Variants in NTN1 observed in about 807,000 individuals in gnomAD.
The protein encoded by NTN1 is netrin-1.
NTN1 carries 11 observed loss-of-function variants against 54.2 expected under a neutral mutation model. The ratio of observed to expected loss-of-function variants is 0.20; its 90% confidence interval spans 0.13 to 0.34. NTN1 has a LOEUF of 0.34. NTN1 is among the 10% of genes least tolerant of loss of function. The pLI is 1.00. For missense variants in NTN1, 740 were observed against 893.1 expected, an observed-to-expected ratio of 0.83 and a Z score of 2.18; for synonymous variants, 371 against 382.0, an observed-to-expected ratio of 0.97 and a Z score of 0.33.
chr17:9,123,658 A>G lies in NTN1; in HGVS notation c.1019-39155A>G, dbSNP rs186368096. On this transcript the variant is annotated intron_variant, in intron 2 of 6. Coordinates refer to ENST00000173229, the MANE Select transcript of NTN1 (RefSeq NM_004822.3). ...CATGCTGTGAAAGTCAAGTGTAACT[A>G]TTGTTCTTCTCGGATGGTTAGCCAG... Among the ~76,000 whole-genome samples the G allele has an allele frequency of 1.8e-4, 27 of 152,148 alleles. No individual in the cohort carries two copies. The East Asian group carries it at 5.0e-3, about 28-fold the overall frequency.
intron 2 of NTN1, among the ~76,000 whole-genome samples, chr17:9,074,362 A>C (rs1223315606): frequency 6.6e-6 from 1 of 152,168 alleles, no homozygotes; most frequent in Non-Finnish European, 1.5e-5. Context: ...CCTTGGGCTG[A>C]ACTCCTCACC....
intron 2 of NTN1, among the ~76,000 whole-genome samples, chr17:9,113,019 A>ATTTTT (rs398058563): frequency 1.4e-5 from 2 of 141,938 alleles, no homozygotes; most frequent in African/African-American, 2.6e-5. Context: ...TGTATACAGA[A>ATTTTT]TTTTTTTTAT....
intron 2 of NTN1, among the ~76,000 whole-genome samples, chr17:9,108,836 A>C (rs1455264402): frequency 1.3e-5 from 2 of 152,004 alleles, no homozygotes; most frequent in African/African-American, 4.8e-5. Context: ...GGATAGTTAT[A>C]TCTTTCTCTT....
intron 5 of NTN1, among the ~76,000 whole-genome samples, chr17:9,195,726 C>T (rs1904615055): frequency 6.6e-6 from 1 of 152,194 alleles, no homozygotes; most frequent in Non-Finnish European, 1.5e-5. Context: ...CGTACAGACT[C>T]TCCTGCCCCT....
rs1254397070 is a variant in NTN1 at position 9,241,928 on chromosome 17, G to A, written c.*1960G>A. 6.6e-6 allele frequency: 1 copy of A among 152,322 alleles called. No individual in the cohort carries two copies. Among genetic ancestry groups the A allele is most frequent in the African/African-American group, 2.4e-5 (1 of 41,464 alleles). The allele number at this position is 152,322 out of a possible 1,614,324, so 9.4% of individuals were successfully genotyped here. A position where few individuals can be genotyped will look rare whatever the true frequency, so the allele number is the denominator to read the frequency against. On this transcript the variant is annotated 3_prime_UTR_variant, in exon 7 of 7. Coordinates refer to ENST00000173229, the MANE Select transcript of NTN1 (RefSeq NM_004822.3). ...CCCGCCCAATCCCTGTGCAGGCTGG[G>A]AGGGTGCTCTTGGGGGAGTGGCCAC...
intron 5 of NTN1, among the ~76,000 whole-genome samples, chr17:9,207,491 C>G (rs969396615): frequency 2.6e-5 from 4 of 152,152 alleles, no homozygotes; most frequent in Non-Finnish European, 5.9e-5. Context: ...CAAACGCTCA[C>G]CCCCGCTTAA....
At chr17:9,235,460 T>C (rs1014120060) in intron 6 of NTN1, among the ~76,000 whole-genome samples, 4 of 105,292 alleles carry the variant, frequency 3.8e-5, no homozygotes, top group South Asian at 4.0e-4. Context: ...TCAGGCATGC[T>C]AAGGGCCGAG....
At chr17:9,116,491 C>T (rs1218966298) in intron 2 of NTN1, among the ~76,000 whole-genome samples, 3 of 152,202 alleles carry the variant, frequency 2.0e-5, no homozygotes, top group African/African-American at 7.2e-5. Context: ...GAGGCCCCCT[C>T]CTCTCCCTGC....
chr17:9,134,617 G>A (rs574447130), intron 2 of NTN1, among the ~76,000 whole-genome samples: 1 of 152,332 alleles, frequency 6.6e-6, no homozygotes, highest in East Asian at 1.9e-4. Flanking sequence ...CCGGGGCAGA[G>A]AACCATGAGA....
At chr17:9,069,650 T>G (rs935014739) in intron 2 of NTN1, among the ~76,000 whole-genome samples, 9 of 152,202 alleles carry the variant, frequency 5.9e-5, no homozygotes. Context: ...GGGACTCTGC[T>G]TCTTGTCACC....
intron 6 of NTN1, among the ~76,000 whole-genome samples, chr17:9,222,453 C>G (rs1474007023): frequency 6.6e-6 from 1 of 152,238 alleles, no homozygotes; most frequent in Non-Finnish European, 1.5e-5. Flanking sequence ...CATTGCTTAC[C>G]TGAGCCTCAG....
At chr17:9,228,910 G>GAT (rs71135956) in intron 6 of NTN1, among the ~76,000 whole-genome samples, 11 of 135,144 alleles carry the variant, frequency 8.1e-5, no homozygotes, top group South Asian at 2.5e-4. Context: ...GTTCGTGACT[G>GAT]TGTGTGACTG....
chr17:9,113,219 T>A (rs2092198624), intron 2 of NTN1, among the ~76,000 whole-genome samples: 1 of 151,878 alleles, frequency 6.6e-6, no homozygotes, highest in Admixed American at 6.6e-5. Context: ...AGATGGGGTT[T>A]CACTATCTTG....
chr17:9,104,668 C>G lies in NTN1; in HGVS notation c.1019-58145C>G, dbSNP rs189305037. Among the ~76,000 whole-genome samples the G allele has an allele frequency of 2.6e-5, 4 of 152,354 alleles. No homozygotes were observed. The East Asian group carries it at 7.7e-4, about 29-fold the overall frequency. On this transcript the variant is annotated intron_variant, in intron 2 of 6. Coordinates refer to ENST00000173229, the MANE Select transcript of NTN1 (RefSeq NM_004822.3). ...TCGGGCCAGCTGGCATGAAGCCGCT[C>G]TCTCTTGCTGGCACGTCAAAGCTGA...
intron 2 of NTN1, among the ~76,000 whole-genome samples, chr17:9,148,181 A>G (rs577792183): frequency 6.6e-6 from 1 of 152,256 alleles, no homozygotes; most frequent in Admixed American, 6.5e-5. Context: ...TGGGTCATCC[A>G]ATGGGCAGGG....
chr17:9,091,425 T>G (rs2142233256), intron 2 of NTN1, among the ~76,000 whole-genome samples: 1 of 149,596 alleles, frequency 6.7e-6, no homozygotes, highest in East Asian at 2.0e-4. Context: ...TGACCAAAGT[T>G]AAACTGGATC....
At chr17:9,064,552 C>G (rs1407398153) in intron 2 of NTN1, among the ~76,000 whole-genome samples, 1 of 152,220 alleles carries the variant, frequency 6.6e-6, no homozygotes, top group African/African-American at 2.4e-5. Context: ...ATCAGTTCCT[C>G]CCTGAGTCTG....
At chr17:9,059,690 A>C (rs1222739933) in intron 2 of NTN1, among the ~76,000 whole-genome samples, 2 of 152,158 alleles carry the variant, frequency 1.3e-5, no homozygotes, top group Non-Finnish European at 2.9e-5. Flanking sequence ...TAAGTTATGG[A>C]ATCTCCTTTA....
upstream of NTN1, among the ~76,000 whole-genome samples, chr17:9,017,640 A>G (rs1255623190): frequency 6.6e-6 from 1 of 152,202 alleles, no homozygotes; most frequent in East Asian, 1.9e-4. Context: ...CCGCCTCTCA[A>G]CGCATTCCTT....
Sources: allele counts gnomAD v4.1 joint callset (sites outside exome capture counted in the v4.1 genomes callset), GRCh38; gene constraint gnomAD v4.1.1; transcripts MANE v1.5; gene names NCBI Gene and HGNC (gene_info 2026-07-23, HGNC 2026-07-21).